Variants in DAB2IP observed in about 807,000 individuals in gnomAD.
DAB2IP encodes DAB2 interacting protein.
Under a neutral mutation model 107.2 loss-of-function variants are expected in DAB2IP, and 28 were observed. That is an observed-to-expected ratio of 0.26 (90% confidence interval 0.19 to 0.36). DAB2IP has a LOEUF of 0.36. Ranked by LOEUF, DAB2IP falls within the 10% of genes least tolerant of loss-of-function variation. The pLI, the probability that DAB2IP is intolerant of heterozygous loss-of-function variation, is 1.00. For synonymous variants in DAB2IP, 755 were observed against 706.4 expected (o/e 1.07, Z -1.09); for missense variants, 1,400 against 1,644.7 (o/e 0.85, Z 2.57).
intron 3 of DAB2IP, among the ~76,000 whole-genome samples, chr9:121,717,841 A>C (rs1174012153): frequency 6.6e-6 from 1 of 152,158 alleles, no homozygotes; most frequent in African/African-American, 2.4e-5. Context: ...GGTACCACAC[A>C]GTGATGGGTG....
intron 3 of DAB2IP, among the ~76,000 whole-genome samples, chr9:121,703,927 C>T (rs573043433): frequency 1.3e-5 from 2 of 152,276 alleles, no homozygotes; most frequent in East Asian, 3.9e-4. Flanking sequence ...ACTTAAGAAA[C>T]AGCCATTATT....
At chr9:121,784,205 A>G (rs1460861970) in exon 16 of DAB2IP, 2 of 154,552 alleles carry the variant, frequency 1.3e-5, no homozygotes, top group Admixed American at 1.3e-4. Context: ...GGAAGATGGG[A>G]GGTGGAAGCA....
chr9:121,773,795 G>A (rs1414724008), intron 12 of DAB2IP, among the ~76,000 whole-genome samples: 3 of 152,172 alleles, frequency 2.0e-5, no homozygotes, highest in Non-Finnish European at 2.9e-5. Flanking sequence ...CAAGCCTGTC[G>A]AAGCGCCTAC....
chr9:121,779,795 G>GAGAC (rs1201559453), intron 14 of DAB2IP, among the ~76,000 whole-genome samples: 1 of 152,208 alleles, frequency 6.6e-6, no homozygotes, highest in African/African-American at 2.4e-5. Context: ...TATTCAGTCA[G>GAGAC]AGACACAAGG....
chr9:121,773,009 C>A, exon 12 of DAB2IP: 2 of 1,611,470 alleles, frequency 1.2e-6, no homozygotes, highest in Non-Finnish European at 1.7e-6. Context: ...CACCGCTCTC[C>A]TTCCAGAACC....
intron 2 of DAB2IP, among the ~76,000 whole-genome samples, chr9:121,687,549 G>A (rs1282340772): frequency 1.3e-5 from 2 of 152,202 alleles, no homozygotes; most frequent in Non-Finnish European, 2.9e-5. Context: ...CAGGGTGGTG[G>A]TCAGAGCTTG....
intron 3 of DAB2IP, among the ~76,000 whole-genome samples, chr9:121,724,523 T>C (rs550929600): frequency 6.6e-6 from 1 of 152,372 alleles, no homozygotes; most frequent in African/African-American, 2.4e-5. Context: ...ATACTTCGTG[T>C]ACTTTTCCCA....
At chr9:121,694,456 C>A (rs760571588) in intron 2 of DAB2IP, among the ~76,000 whole-genome samples, 23 of 152,068 alleles carry the variant, frequency 1.5e-4, no homozygotes, top group Non-Finnish European at 2.6e-4. Context: ...GGTAATATAT[C>A]ATCATCATCA....
At chr9:121,628,557 G>A (rs1482721240) in intron 1 of DAB2IP, among the ~76,000 whole-genome samples, 1 of 152,236 alleles carries the variant, frequency 6.6e-6, no homozygotes, top group East Asian at 1.9e-4. Flanking sequence ...GGCACTGGAA[G>A]ACTTTTGAAT....
chr9:121,619,291 T>C (rs1831381457), intron 1 of DAB2IP, among the ~76,000 whole-genome samples: 1 of 152,122 alleles, frequency 6.6e-6, no homozygotes, highest in African/African-American at 2.4e-5. Flanking sequence ...GGACTGCAGG[T>C]ACGCGCCACC....
At chr9:121,592,532 G>A (rs918071570) in intron 1 of DAB2IP, among the ~76,000 whole-genome samples, 2 of 152,194 alleles carry the variant, frequency 1.3e-5, no homozygotes, top group Non-Finnish European at 2.9e-5. Flanking sequence ...TGGCACATTA[G>A]CTCAGAAAAT....
intron 3 of DAB2IP, among the ~76,000 whole-genome samples, chr9:121,714,891 C>T (rs988181250): frequency 6.6e-6 from 1 of 152,222 alleles, no homozygotes; most frequent in Non-Finnish European, 1.5e-5. Context: ...TGGGAGAACT[C>T]GTGCAGTCCT....
intron 1 of DAB2IP, among the ~76,000 whole-genome samples, chr9:121,660,590 C>T (rs897247842): frequency 1.3e-5 from 2 of 152,080 alleles, no homozygotes; most frequent in Non-Finnish European, 2.9e-5. Context: ...GAGAGGATGC[C>T]GCCATCTGAG....
intron 1 of DAB2IP, among the ~76,000 whole-genome samples, chr9:121,567,460 AG>A (rs1194980399): frequency 6.6e-6 from 1 of 152,090 alleles, no homozygotes; most frequent in Non-Finnish European, 1.5e-5. Context: ...GGTCCAGGGG[AG>A]GGAGAGAGAG....
At chr9:121,660,866 T>C (rs1037222008) in intron 1 of DAB2IP, among the ~76,000 whole-genome samples, 2 of 152,178 alleles carry the variant, frequency 1.3e-5, no homozygotes, top group Non-Finnish European at 2.9e-5. Flanking sequence ...AGTCAGTGGT[T>C]CTGTGTGGCC....
intron 3 of DAB2IP, among the ~76,000 whole-genome samples, chr9:121,744,540 A>G (rs1832588560): frequency 6.6e-6 from 1 of 152,226 alleles, no homozygotes; most frequent in Admixed American, 6.5e-5. Context: ...TTTTACAGAC[A>G]GCCACCCAGG....
At chr9:121,710,430 C>T (rs1480365191) in intron 3 of DAB2IP, among the ~76,000 whole-genome samples, 5 of 152,112 alleles carry the variant, frequency 3.3e-5, no homozygotes, top group East Asian at 1.9e-4. Context: ...AGGGCAGGCT[C>T]GGCTCAGTGA....
At chr9:121,648,057 T>C (rs1338656359), upstream of DAB2IP, among the ~76,000 whole-genome samples, 1 of 151,982 alleles carries the variant, frequency 6.6e-6, no homozygotes, top group Non-Finnish European at 1.5e-5. Flanking sequence ...GCTATGAGGA[T>C]GCAAAGGCAG....
chr9:121,694,896 G>C (rs773556662), intron 2 of DAB2IP, among the ~76,000 whole-genome samples: 1 of 152,188 alleles, frequency 6.6e-6, no homozygotes, highest in Non-Finnish European at 1.5e-5. Context: ...GGCCTTGGTT[G>C]ACCTCAGCGT....
Sources: allele counts gnomAD v4.1 joint callset (sites outside exome capture counted in the v4.1 genomes callset), GRCh38; gene constraint gnomAD v4.1.1; transcripts MANE v1.5; gene names NCBI Gene and HGNC (gene_info 2026-07-23, HGNC 2026-07-21).